Variants in HMGN3 observed in about 807,000 individuals in gnomAD.
HMGN3 encodes high mobility group nucleosomal binding domain 3, also known as high mobility group nucleosome-binding domain-containing protein 3.
Under a neutral mutation model 18.8 loss-of-function variants are expected in HMGN3, and 6 were observed. The ratio of observed to expected loss-of-function variants is 0.32; its 90% CI spans 0.18 to 0.63. The LOEUF (loss-of-function observed/expected upper bound fraction) is 0.63, where lower values mean the gene tolerates loss of function less well. Ranked by LOEUF, HMGN3 falls within the 30% of genes least tolerant of loss-of-function variation. The pLI is 0.79. For missense variants in HMGN3, 107 were observed against 114.2 expected, an observed-to-expected ratio of 0.94 and a Z score of 0.29; for synonymous variants, 40 against 36.5, an observed-to-expected ratio of 1.10 and a Z score of -0.35.
chr6:79,221,676 G>A (rs1777290641), intron 1 of HMGN3, among the ~76,000 whole-genome samples: 2 of 152,152 alleles, frequency 1.3e-5, no homozygotes, highest in South Asian at 4.1e-4. Context: ...CCTTTCAACA[G>A]CTGCTTAGGA....
intron 1 of HMGN3, among the ~76,000 whole-genome samples, chr6:79,227,124 C>T (rs1185608913): frequency 6.6e-6 from 1 of 152,136 alleles, no homozygotes; most frequent in African/African-American, 2.4e-5. Context: ...AAATTGTACC[C>T]TGCAGGAAAG....
intron 1 of HMGN3, among the ~76,000 whole-genome samples, chr6:79,232,480 G>T (rs987650245): frequency 1.3e-5 from 2 of 152,174 alleles, no homozygotes; most frequent in African/African-American, 4.8e-5. Flanking sequence ...CCTCAGGAAT[G>T]ACACACAGGT....
chr6:79,201,786 G>C, intron 5 of HMGN3, 60 bp from the exon 7 acceptor site: 1 of 1,578,288 alleles, frequency 6.3e-7, no homozygotes, highest in Non-Finnish European at 8.6e-7. Flanking sequence ...ATAAGCAAAG[G>C]AAATTCCACC....
At chr6:79,229,815 T>G (rs1777751905) in intron 1 of HMGN3, among the ~76,000 whole-genome samples, 1 of 152,060 alleles carries the variant, frequency 6.6e-6, no homozygotes, top group Admixed American at 6.5e-5. Flanking sequence ...GAGGCGGAGC[T>G]TGCAGTGAGC....
chr6:79,202,350 T>C, exon 5 of HMGN3: 1 of 1,614,088 alleles, frequency 6.2e-7, no homozygotes, highest in Non-Finnish European at 8.5e-7. Flanking sequence ...TCCTCCTTCT[T>C]CCCTTTAGCA....
rs79540753 is a variant in HMGN3 at position 79,222,032 on chromosome 6, C to T, written c.16-7010G>A. 3.6e-3 allele frequency among the ~76,000 whole-genome samples: 547 copies of T among 151,710 alleles called. 3 individuals are homozygous for T. Among genetic ancestry groups the T allele is most frequent in the African/African-American group, 0.011 (476 of 41,444 alleles). On this transcript the variant is annotated intron_variant, in intron 1 of 5. Coordinates refer to ENST00000344726, the Ensembl canonical transcript of HMGN3. ...AAAGGCTATTGTTTTACGACTTCAG[C>T]GAATTAGCTGAAGGCCTACAGTAAT...
intron 2 of HMGN3, 82 bp downstream of exon 2, chr6:79,214,890 T>C: frequency 1.2e-6 from 1 of 809,786 alleles, no homozygotes; most frequent in Non-Finnish European, 2.0e-6. Context: ...TTGTCCGCAT[T>C]TCATTCAGAT....
intron 2 of HMGN3, among the ~76,000 whole-genome samples, chr6:79,212,449 T>C (rs1776742309): frequency 6.6e-6 from 1 of 152,224 alleles, no homozygotes; most frequent in South Asian, 2.1e-4. Flanking sequence ...GGAAGCTCCA[T>C]GAAAGCAGCG....
chr6:79,202,383 G>A (rs1561980694), exon 5 of HMGN3: 1 of 1,612,848 alleles, frequency 6.2e-7, no homozygotes, highest in East Asian at 2.2e-5. Context: ...TTTGCTCCAG[G>A]TTCTTTCTAA....
rs1190376637 is a variant in HMGN3 at position 79,202,465 on chromosome 6, T to C, written c.148-76A>G. 3.3e-6 allele frequency: 4 copies of C among 1,196,248 alleles called. No homozygotes were observed. In the Admixed American group the frequency reaches 6.8e-5, roughly 20 times the overall value. 74.1% of individuals were successfully genotyped at this position (1,196,248 alleles called of 1,614,324 possible). A position where few individuals can be genotyped will look rare whatever the true frequency, so the allele number is the denominator to read the frequency against. ...GATGGCTAAAATCAATCAGCCTCTG[T>C]CCAAACACAAGGTGAAGTACAACCG... On this transcript the variant is annotated intron_variant, in intron 4 of 5. Coordinates refer to ENST00000344726, the Ensembl canonical transcript of HMGN3.
At chr6:79,230,653 T>C (rs779493337) in intron 1 of HMGN3, among the ~76,000 whole-genome samples, 2 of 152,244 alleles carry the variant, frequency 1.3e-5, no homozygotes, top group Non-Finnish European at 2.9e-5. Flanking sequence ...TATTTTCCTA[T>C]AAAGATATAC....
chr6:79,215,585 A>G (rs1348632875), intron 1 of HMGN3, among the ~76,000 whole-genome samples: 7 of 152,228 alleles, frequency 4.6e-5, no homozygotes, highest in African/African-American at 1.7e-4. Flanking sequence ...CAGCCTTGGC[A>G]TGACAGCCAG....
At chr6:79,221,703 G>T (rs140390286) in intron 1 of HMGN3, among the ~76,000 whole-genome samples, 4 of 152,338 alleles carry the variant, frequency 2.6e-5, no homozygotes, top group African/African-American at 7.2e-5. Flanking sequence ...TTAGATGGCA[G>T]CAGTCTGTGG....
At chr6:79,218,329 C>T (rs867882901) in intron 1 of HMGN3, among the ~76,000 whole-genome samples, 3 of 151,586 alleles carry the variant, frequency 2.0e-5, no homozygotes, top group Non-Finnish European at 4.4e-5. Context: ...AAAAGAGACA[C>T]CAAAAACTCA....
At chr6:79,223,928 C>T (rs550735711) in intron 1 of HMGN3, among the ~76,000 whole-genome samples, 1 of 152,102 alleles carries the variant, frequency 6.6e-6, no homozygotes, top group Middle Eastern at 3.2e-3. Context: ...TACTTGTGTA[C>T]TTATTTATCA....
At chr6:79,204,148 G>A (rs1308364689) in intron 3 of HMGN3, among the ~76,000 whole-genome samples, 2 of 152,058 alleles carry the variant, frequency 1.3e-5, no homozygotes, top group Admixed American at 1.3e-4. Flanking sequence ...CTGTTGCCAA[G>A]CTTCTTCCTA....
intron 1 of HMGN3, among the ~76,000 whole-genome samples, chr6:79,227,535 T>C (rs183890653): frequency 3.9e-5 from 6 of 152,308 alleles, no homozygotes. Flanking sequence ...CAAACATCCA[T>C]TGATTGTTTT....
chr6:79,221,893 G>T (rs1037085050), intron 1 of HMGN3, among the ~76,000 whole-genome samples: 12 of 151,738 alleles, frequency 7.9e-5, no homozygotes, highest in African/African-American at 4.9e-5. Flanking sequence ...GGTACATGTA[G>T]TACCAATTCA....
intron 2 of HMGN3, among the ~76,000 whole-genome samples, chr6:79,212,190 G>A (rs1776723261): frequency 6.6e-6 from 1 of 152,074 alleles, no homozygotes; most frequent in African/African-American, 2.4e-5. Context: ...GTCATAAAAG[G>A]GCCATAGGGA....
Sources: allele counts gnomAD v4.1 joint callset (sites outside exome capture counted in the v4.1 genomes callset), GRCh38; gene constraint gnomAD v4.1.1; transcripts MANE v1.5; gene names NCBI Gene and HGNC (gene_info 2026-07-23, HGNC 2026-07-21).